The following KAT6B variants were observed in gnomAD, a reference collection of about 807,000 sequenced individuals.
KAT6B encodes the protein lysine acetyltransferase 6B, also known as histone acetyltransferase KAT6B.
A neutral mutation model predicts 187.5 loss-of-function variants in KAT6B; 10 were observed. The ratio of observed to expected loss-of-function variants is 0.05; its 90% CI spans 0.03 to 0.09. KAT6B has a LOEUF of 0.09. KAT6B is among the 10% of genes least tolerant of loss of function. The pLI is 1.00. For missense variants in KAT6B, 1,952 were observed against 2,558.9 expected, an observed-to-expected ratio of 0.76 and a Z score of 5.12; for synonymous variants, 861 against 926.8, an observed-to-expected ratio of 0.93 and a Z score of 1.29.
At chr10:75,009,548 T>C (rs1421043195) in intron 13 of KAT6B, among the ~76,000 whole-genome samples, 1 of 152,192 alleles carries the variant, frequency 6.6e-6, no homozygotes, top group African/African-American at 2.4e-5. Context: ...GTGGACAGAA[T>C]AGCGGTTCAT....
At chr10:74,978,634 C>T (rs1842312298) in intron 9 of KAT6B, among the ~76,000 whole-genome samples, 1 of 152,108 alleles carries the variant, frequency 6.6e-6, no homozygotes, top group Admixed American at 6.6e-5. Context: ...GGCACTGTAC[C>T]AGACACCAGG....
At position 75,032,158 on chromosome 10, in the gene KAT6B, C is replaced by T. The variant is rs1292548490; in HGVS notation, c.*1112C>T. On this transcript the variant is annotated 3_prime_UTR_variant, in exon 18 of 18. Coordinates refer to ENST00000287239, the MANE Select transcript of KAT6B (RefSeq NM_012330.4). Reference sequence around the variant, plus strand: ...AGGGCCAAGCAGGAGAGGCGTAATCCTTGTATAAAATAGGATCCAGCGACA... The same window carrying T: ...AGGGCCAAGCAGGAGAGGCGTAATCTTTGTATAAAATAGGATCCAGCGACA... 1 of 195,562 alleles carries T rather than the reference C, an allele frequency of 5.1e-6. No individual in the cohort carries two copies. 12.1% of individuals were successfully genotyped at this position (195,562 alleles called of 1,614,324 possible).
intron 3 of KAT6B, among the ~76,000 whole-genome samples, chr10:74,955,389 C>CA (rs1554832528): frequency 7.0e-6 from 1 of 143,870 alleles, no homozygotes; most frequent in Non-Finnish European, 1.5e-5. Context: ...TTTATCCCCC[C>CA]CCCCCCAACT....
At position 74,908,657 on chromosome 10, in the gene KAT6B, T is replaced by C. The variant is rs16931825; in HGVS notation, c.622-51313T>C. On this transcript the variant is annotated intron_variant, in intron 3 of 17. Coordinates refer to ENST00000287239, the MANE Select transcript of KAT6B (RefSeq NM_012330.4). The stretch of plus-strand genomic sequence containing the variant: ...AGAAAATGAACTAAGACACTGATAT[T>C]CAATTGTTTTAGCCTATAAAAATGG... 1.5e-3 allele frequency among the ~76,000 whole-genome samples: 230 copies of C among 152,328 alleles called. No homozygotes were observed. In the East Asian group the frequency reaches 0.017, roughly 11 times the overall value.
chr10:74,856,055 ATT>A (rs1842799869), intron 3 of KAT6B, among the ~76,000 whole-genome samples: 1 of 152,092 alleles, frequency 6.6e-6, no homozygotes, highest in South Asian at 2.1e-4. Context: ...GACAGTCCAT[ATT>A]TCCCCAAATG....
chr10:75,025,338 AG>A, intron 17 of KAT6B, 89 bp downstream of exon 17: 1 of 1,378,252 alleles, frequency 7.3e-7, no homozygotes, highest in South Asian at 1.2e-5. Flanking sequence ...TGATGCCCAG[AG>A]GCACCTGCGA....
At chr10:74,987,920 T>A (rs967090845) in intron 12 of KAT6B, among the ~76,000 whole-genome samples, 5 of 152,222 alleles carry the variant, frequency 3.3e-5, no homozygotes, top group Non-Finnish European at 7.3e-5. Flanking sequence ...GCACATCCAG[T>A]GAGGGACAAT....
intron 9 of KAT6B, among the ~76,000 whole-genome samples, chr10:74,978,173 C>T (rs997836265): frequency 1.3e-5 from 2 of 152,184 alleles, no homozygotes; most frequent in Admixed American, 6.5e-5. Flanking sequence ...TAGTAGCAGC[C>T]AGTTGGGCTA....
At chr10:74,870,349 G>T (rs555365334) in intron 3 of KAT6B, among the ~76,000 whole-genome samples, 1 of 152,092 alleles carries the variant, frequency 6.6e-6, no homozygotes, top group South Asian at 2.1e-4. Flanking sequence ...CTATATTGAA[G>T]GGCCCAAGGG....
chr10:74,868,532 A>G (rs1843700989), intron 3 of KAT6B, among the ~76,000 whole-genome samples: 1 of 152,162 alleles, frequency 6.6e-6, no homozygotes, highest in African/African-American at 2.4e-5. Flanking sequence ...CAATATAGGT[A>G]ACCTCAGAGA....
intron 3 of KAT6B, among the ~76,000 whole-genome samples, chr10:74,928,347 C>T (rs994008150): frequency 4.6e-5 from 7 of 152,074 alleles, no homozygotes; most frequent in African/African-American, 1.4e-4. Flanking sequence ...AGATTCAGTC[C>T]CCTCTCTCAA....
chr10:75,024,853 C>A (rs1461777790), intron 16 of KAT6B, 105 bp from the exon 17 acceptor site: 4 of 1,039,034 alleles, frequency 3.8e-6, no homozygotes, highest in Admixed American at 3.8e-5. Context: ...GAAGTCACCA[C>A]GTGTAAGATT....
chr10:75,017,408 G>A (rs1439777878), intron 13 of KAT6B, among the ~76,000 whole-genome samples: 4 of 152,110 alleles, frequency 2.6e-5, no homozygotes, highest in African/African-American at 9.7e-5. Context: ...GAGGTCAGGA[G>A]TTCGAGACCA....
intron 3 of KAT6B, among the ~76,000 whole-genome samples, chr10:74,853,194 A>G (rs1842593967): frequency 7.0e-6 from 1 of 143,798 alleles, no homozygotes. Context: ...GGCTCACTGC[A>G]GCCTCGACCT....
chr10:74,875,056 G>C (rs1184805177), intron 3 of KAT6B, among the ~76,000 whole-genome samples: 2 of 152,110 alleles, frequency 1.3e-5, no homozygotes, highest in Non-Finnish European at 2.9e-5. Context: ...GTTTACATTA[G>C]GGTTTACTCC....
At chr10:75,011,205 T>A (rs1844579949) in intron 13 of KAT6B, among the ~76,000 whole-genome samples, 1 of 152,228 alleles carries the variant, frequency 6.6e-6, no homozygotes, top group South Asian at 2.1e-4. Flanking sequence ...AATGAATCTC[T>A]AATGTAGACT....
chr10:74,834,112 A>G (rs953164708), intron 1 of KAT6B, among the ~76,000 whole-genome samples: 1 of 151,962 alleles, frequency 6.6e-6, no homozygotes, highest in African/African-American at 2.4e-5. Context: ...CCTGTGCATT[A>G]TGGTGTCACC....
intron 3 of KAT6B, among the ~76,000 whole-genome samples, chr10:74,897,764 A>T (rs980994813): frequency 6.6e-6 from 1 of 152,204 alleles, no homozygotes; most frequent in African/African-American, 2.4e-5. Context: ...AAAGAAGTAC[A>T]TCCTATTAAA....
chr10:74,825,876 G>A (rs1840160067), upstream of KAT6B, among the ~76,000 whole-genome samples: 1 of 146,974 alleles, frequency 6.8e-6, no homozygotes. The surrounding 1 kb of genome is among the most constrained non-coding windows in gnomAD (Gnocchi z 5.0). Context: ...GTTGGGGGGG[G>A]AAGGATGCGA....
Sources: gnomAD v4.1 joint callset for allele counts (sites outside exome capture counted in the v4.1 genomes callset) on GRCh38, gnomAD v4.1.1 for gene constraint, Gnocchi (gnomAD v3.1) non-coding constraint, MANE v1.5 for transcripts, NCBI Gene and HGNC (gene_info 2026-07-23, HGNC 2026-07-21) for gene names.